Variants in MTUS2 observed in about 807,000 individuals in gnomAD.
MTUS2 encodes the protein microtubule-associated tumor suppressor candidate 2.
In MTUS2, 40 loss-of-function variants were observed where a neutral mutation model predicts 114.1. That is an observed-to-expected ratio of 0.35 (90% CI 0.27 to 0.46). The LOEUF (loss-of-function observed/expected upper bound fraction) is 0.46, where lower values mean the gene tolerates loss of function less well. Among genes scored for constraint, MTUS2 ranks in the 20% least tolerant of loss-of-function variants. MTUS2 has a pLI of 1.00. For synonymous variants in MTUS2, 688 were observed against 672.0 expected (o/e 1.02, Z -0.37); for missense variants, 1,679 against 1,705.4 (o/e 0.98, Z 0.27).
chr13:29,256,810 T>C (rs1319877714), intron 5 of MTUS2, among the ~76,000 whole-genome samples: 3 of 152,232 alleles, frequency 2.0e-5, no homozygotes, highest in Admixed American at 6.5e-5. Context: ...CTCCATGACT[T>C]GGAGTTCCTC....
At chr13:29,426,697 A>G (rs1452457060) in intron 8 of MTUS2, among the ~76,000 whole-genome samples, 1 of 152,188 alleles carries the variant, frequency 6.6e-6, no homozygotes, top group African/African-American at 2.4e-5. Context: ...CCTAAGACGA[A>G]TTTAGATGAG....
rs577894833 is a variant in MTUS2, at chr13:29,025,355, A to G, written c.657A>G (p.Thr219=). 1.9e-6 allele frequency: 3 copies of G among 1,613,772 alleles called. No individual in the cohort carries two copies. The highest frequency in any genetic ancestry group is 2.2e-5 in the South Asian group (2 of 91,072). The change falls in exon 3 of 16, where the codon ACA becomes ACG. Residue 219 remains threonine, a synonymous_variant. Transcript: ENST00000612955. ...GGGGTGGGGAGGGGCCACAGAAGAC[A>G]TTGCCAGACCACGCTGTCCCGGCAG... ...IPGGGEGPQK[T]LPDHAVPAAF...
chr13:29,470,569 C>T (rs1353917949), intron 9 of MTUS2, among the ~76,000 whole-genome samples: 1 of 152,226 alleles, frequency 6.6e-6, no homozygotes, highest in Non-Finnish European at 1.5e-5. Context: ...TCGCTTCCAT[C>T]CTTGCCTCCT....
At chr13:29,349,495 T>C (rs914504698) in intron 7 of MTUS2, among the ~76,000 whole-genome samples, 2 of 152,152 alleles carry the variant, frequency 1.3e-5, no homozygotes, top group African/African-American at 4.8e-5. Context: ...TTTATTTCTT[T>C]GTGTAGATCT....
intron 4 of MTUS2, among the ~76,000 whole-genome samples, chr13:29,045,678 A>G (rs1213122441): frequency 6.6e-6 from 1 of 152,166 alleles, no homozygotes; most frequent in Non-Finnish European, 1.5e-5. Flanking sequence ...TTTTTCCAAG[A>G]TCTTCATTTC....
intron 3 of MTUS2, among the ~76,000 whole-genome samples, chr13:29,031,736 A>G (rs1336524237): frequency 6.6e-6 from 1 of 151,846 alleles, no homozygotes; most frequent in Non-Finnish European, 1.5e-5. Context: ...AGAATGCTTG[A>G]CCAAATATCT....
At position 29,297,442 on chromosome 13, in the gene MTUS2, T is replaced by G. The variant is rs565847504; in HGVS notation, c.2806+15577T>G. ...TCAAGGAAGCTGTAGTTTAGAGAAA[T>G]TAAGTAACCCCCACACCCCTAGTCA... On this transcript the variant is annotated intron_variant, in intron 6 of 15. Coordinates refer to ENST00000612955, the MANE Select transcript of MTUS2 (RefSeq NM_001033602.4). 5.3e-5 allele frequency among the ~76,000 whole-genome samples: 8 copies of G among 152,298 alleles called. No homozygotes were observed. The South Asian group carries it at 1.7e-3, about 32-fold the overall frequency.
At chr13:29,424,238 G>A (rs1876339530) in intron 8 of MTUS2, among the ~76,000 whole-genome samples, 1 of 152,102 alleles carries the variant, frequency 6.6e-6, no homozygotes, top group Non-Finnish European at 1.5e-5. Context: ...ACAAAGAAAT[G>A]ATAAATGTTT....
At chr13:29,183,706 GA>G (rs1894102510) in intron 5 of MTUS2, among the ~76,000 whole-genome samples, 2 of 152,172 alleles carry the variant, frequency 1.3e-5, no homozygotes, top group African/African-American at 4.8e-5. Flanking sequence ...AAGTTGGAGG[GA>G]AACTAGAAGA....
intron 1 of MTUS2, among the ~76,000 whole-genome samples, chr13:28,831,377 A>C (rs1874667338): frequency 6.6e-6 from 1 of 151,232 alleles, no homozygotes; most frequent in African/African-American, 2.5e-5. Flanking sequence ...AATAAACATG[A>C]CTCAACTATA....
chr13:29,309,176 C>T (rs1899629633), intron 6 of MTUS2, among the ~76,000 whole-genome samples: 1 of 152,102 alleles, frequency 6.6e-6, no homozygotes, highest in African/African-American at 2.4e-5. Flanking sequence ...GGAGTCAACC[C>T]AAATTCCCAT....
At chr13:28,922,304 G>A (rs940833312) in intron 2 of MTUS2, among the ~76,000 whole-genome samples, 1 of 152,208 alleles carries the variant, frequency 6.6e-6, no homozygotes, top group Non-Finnish European at 1.5e-5. Context: ...CCAGTCTCAG[G>A]TATTTCTTTA....
At chr13:28,829,848 A>G (rs181057384) in intron 1 of MTUS2, among the ~76,000 whole-genome samples, 6 of 152,362 alleles carry the variant, frequency 3.9e-5, no homozygotes, top group African/African-American at 9.6e-5. Flanking sequence ...CCTTTGATGT[A>G]GTCTTTGGAA....
At chr13:28,982,608 T>C (rs1428982822) in intron 2 of MTUS2, among the ~76,000 whole-genome samples, 2 of 152,096 alleles carry the variant, frequency 1.3e-5, no homozygotes, top group African/African-American at 4.8e-5. Flanking sequence ...GGCCAAGAGA[T>C]AGAAGCAACC....
chr13:29,264,624 C>T lies in MTUS2; in HGVS notation c.2645-17080C>T, dbSNP rs369410342. Among the ~76,000 whole-genome samples, 7 of 152,258 alleles carry T rather than the reference C, an allele frequency of 4.6e-5. No individual in the cohort carries two copies. In the East Asian group the frequency reaches 1.3e-3, roughly 29 times the overall value. ...GCTCCCAAGCCTCAACTCTTGCACTCTTCTATATACCTGAAGGCTTAACAC... is the reference window on the plus strand; with the variant it reads ...GCTCCCAAGCCTCAACTCTTGCACTTTTCTATATACCTGAAGGCTTAACAC... On this transcript the variant is annotated intron_variant, in intron 5 of 15. Transcript: ENST00000612955.
At chr13:28,940,914 G>C (rs915252531) in intron 2 of MTUS2, among the ~76,000 whole-genome samples, 3 of 151,970 alleles carry the variant, frequency 2.0e-5, no homozygotes, top group African/African-American at 7.2e-5. Context: ...GATAATGTCT[G>C]AAAACATGTA....
At chr13:29,034,560 G>A (rs58460051) in intron 4 of MTUS2, among the ~76,000 whole-genome samples, 5,713 of 152,300 alleles carry the variant, frequency 0.038, 343 homozygotes, top group African/African-American at 0.13. Context: ...GGCTGCAAGA[G>A]AGAAAGCCAT....
At chr13:29,121,657 C>CTTT (rs547034297) in intron 5 of MTUS2, among the ~76,000 whole-genome samples, 2 of 142,266 alleles carry the variant, frequency 1.4e-5, no homozygotes, top group Non-Finnish European at 3.1e-5. Context: ...CACTTTTTCA[C>CTTT]TTTTTTTTTT....
At chr13:28,977,844 A>G (rs942138015) in intron 2 of MTUS2, among the ~76,000 whole-genome samples, 6 of 152,200 alleles carry the variant, frequency 3.9e-5, no homozygotes, top group Non-Finnish European at 8.8e-5. Flanking sequence ...GAAAATCATC[A>G]TCTTTGCCTG....
Sources: gnomAD v4.1 joint callset for allele counts (sites outside exome capture counted in the v4.1 genomes callset) on GRCh38, gnomAD v4.1.1 for gene constraint, MANE v1.5 for transcripts, NCBI Gene and HGNC (gene_info 2026-07-23, HGNC 2026-07-21) for gene names.